The following PDSS2 variants were observed in gnomAD, a reference collection of about 807,000 sequenced individuals.
The protein encoded by PDSS2 is decaprenyl diphosphate synthase subunit 2, also known as all trans-polyprenyl-diphosphate synthase PDSS2.
In PDSS2, 31 loss-of-function variants were observed where a neutral mutation model predicts 44.5. That is an observed-to-expected ratio of 0.70 (90% CI 0.52 to 0.94). The LOEUF is 0.94. Among genes scored for constraint, PDSS2 ranks in the 40% least tolerant of loss-of-function variants. The pLI, the probability that PDSS2 is intolerant of heterozygous loss-of-function variation, is 0.00. For synonymous variants in PDSS2, 157 were observed against 180.3 expected (o/e 0.87, Z 1.03); for missense variants, 452 against 482.2 (o/e 0.94, Z 0.59).
At chr6:107,178,747 G>C (rs1052959431) in intron 7 of PDSS2, among the ~76,000 whole-genome samples, 2 of 152,204 alleles carry the variant, frequency 1.3e-5, no homozygotes, top group African/African-American at 4.8e-5. Context: ...GCTGCTGGGC[G>C]AAGTGGCTCA....
chr6:107,401,591 G>C (rs1430259524), intron 1 of PDSS2, among the ~76,000 whole-genome samples: 1 of 152,050 alleles, frequency 6.6e-6, no homozygotes, highest in Admixed American at 6.5e-5. Context: ...TCTTTGAAAT[G>C]CCAGGTAAAA....
intron 1 of PDSS2, among the ~76,000 whole-genome samples, chr6:107,385,042 G>A (rs1779570407): frequency 6.6e-6 from 1 of 152,158 alleles, no homozygotes; most frequent in African/African-American, 2.4e-5. Context: ...AGATTAGGGA[G>A]CTTAAATGTT....
intron 1 of PDSS2, among the ~76,000 whole-genome samples, chr6:107,421,807 A>AACACACACACAC (rs33978698): frequency 6.8e-5 from 10 of 146,210 alleles, no homozygotes; most frequent in South Asian, 4.4e-4. Flanking sequence ...AATTTCACAG[A>AACACACACACAC]ACACACACAC....
intron 6 of PDSS2, among the ~76,000 whole-genome samples, chr6:107,205,619 G>C (rs1562373721): frequency 6.6e-6 from 1 of 152,164 alleles, no homozygotes; most frequent in African/African-American, 2.4e-5. Context: ...GTAGAATTTA[G>C]TATGGAGAAA....
intron 7 of PDSS2, among the ~76,000 whole-genome samples, chr6:107,162,609 A>ATTTT (rs1771183547): frequency 3.2e-5 from 2 of 63,422 alleles, no homozygotes; most frequent in Non-Finnish European, 5.7e-5. Context: ...AGAATTCCCT[A>ATTTT]ATTTTTTTTT....
chr6:107,227,790 C>T (rs1174604201), intron 4 of PDSS2, among the ~76,000 whole-genome samples: 1 of 152,124 alleles, frequency 6.6e-6, no homozygotes, highest in African/African-American at 2.4e-5. Context: ...AGATAGAGAA[C>T]AATGGGATGG....
intron 2 of PDSS2, among the ~76,000 whole-genome samples, chr6:107,303,565 A>AT (rs1776763601): frequency 6.6e-6 from 1 of 152,190 alleles, no homozygotes; most frequent in Non-Finnish European, 1.5e-5. Context: ...TTCCATAAAA[A>AT]TGTGTTCATA....
At chr6:107,235,101 G>A (rs1774180792) in intron 4 of PDSS2, among the ~76,000 whole-genome samples, 1 of 152,188 alleles carries the variant, frequency 6.6e-6, no homozygotes. Context: ...CTTCTGCCTG[G>A]AGAGAATGCC....
intron 1 of PDSS2, among the ~76,000 whole-genome samples, chr6:107,353,417 A>G (rs1178741179): frequency 6.6e-6 from 1 of 152,240 alleles, no homozygotes; most frequent in African/African-American, 2.4e-5. Context: ...CATGCTTTAA[A>G]AAGTCATAAC....
At chr6:107,339,463 G>A (rs1310935087) in intron 1 of PDSS2, among the ~76,000 whole-genome samples, 1 of 152,082 alleles carries the variant, frequency 6.6e-6, no homozygotes, top group Non-Finnish European at 1.5e-5. Context: ...ATCAAGCATT[G>A]TGCTAGGCAT....
chr6:107,222,723 G>A (rs1313232895), intron 4 of PDSS2, among the ~76,000 whole-genome samples: 1 of 151,634 alleles, frequency 6.6e-6, no homozygotes, highest in Non-Finnish European at 1.5e-5. Context: ...GTATGTGGCA[G>A]AGATGAGTCT....
chr6:107,286,859 T>C (rs562050649), intron 2 of PDSS2, among the ~76,000 whole-genome samples: 2 of 152,008 alleles, frequency 1.3e-5, no homozygotes, highest in African/African-American at 4.8e-5. Context: ...GCCAACATGG[T>C]GAAACCCCGG....
intron 6 of PDSS2, chr6:107,197,874 A>G (rs1772623508): frequency 2.1e-6 from 1 of 468,636 alleles, no homozygotes; most frequent in African/African-American, 2.0e-5. Flanking sequence ...TGAAAGTTAG[A>G]AAGTTGAACT....
intron 2 of PDSS2, among the ~76,000 whole-genome samples, chr6:107,316,982 T>C (rs771722718): frequency 6.6e-6 from 1 of 152,058 alleles, no homozygotes; most frequent in Admixed American, 6.6e-5. Flanking sequence ...CAAAAACAAG[T>C]TATATTGTTG....
At chr6:107,429,901 A>AAAATATATATATATATATATATAT (rs1166637352) in intron 1 of PDSS2, among the ~76,000 whole-genome samples, 1 of 31,854 alleles carries the variant, frequency 3.1e-5, no homozygotes, top group Non-Finnish European at 5.3e-5. Flanking sequence ...AAAAAAAAAA[A>AAAATATATATATATATATATATAT]ATATATATAT....
At chr6:107,194,132 A>G (rs1008417890) in intron 6 of PDSS2, among the ~76,000 whole-genome samples, 3 of 152,230 alleles carry the variant, frequency 2.0e-5, no homozygotes, top group African/African-American at 7.2e-5. Flanking sequence ...TATCTTATAC[A>G]TATACAGCAT....
At chr6:107,355,694 G>A (rs1370553322) in intron 1 of PDSS2, among the ~76,000 whole-genome samples, 1 of 152,182 alleles carries the variant, frequency 6.6e-6, no homozygotes, top group African/African-American at 2.4e-5. Flanking sequence ...AAACCATCTA[G>A]AAACTGATAG....
At chr6:107,273,334 A>T (rs1034196312) in intron 3 of PDSS2, among the ~76,000 whole-genome samples, 18 of 152,256 alleles carry the variant, frequency 1.2e-4, no homozygotes, top group African/African-American at 4.1e-4. Flanking sequence ...AAAGGAAAAA[A>T]AAAACACTAA....
intron 1 of PDSS2, among the ~76,000 whole-genome samples, chr6:107,359,781 G>A (rs1778710904): frequency 6.6e-6 from 1 of 152,094 alleles, no homozygotes; most frequent in South Asian, 2.1e-4. Context: ...CTTCTGAAAA[G>A]TCCAAAGAAA....
Sources: gnomAD v4.1 joint callset for allele counts (sites outside exome capture counted in the v4.1 genomes callset) on GRCh38, gnomAD v4.1.1 for gene constraint, MANE v1.5 for transcripts, NCBI Gene and HGNC (gene_info 2026-07-23, HGNC 2026-07-21) for gene names.